AHDC1: variants seen among roughly 807,000 people sequenced by gnomAD.
AHDC1 encodes the protein transcription factor Gibbin.
Under a neutral mutation model 87.9 loss-of-function variants are expected in AHDC1, and 7 were observed. The observed-to-expected ratio is 0.08, with a 90% CI of 0.05 to 0.15. The LOEUF (loss-of-function observed/expected upper bound fraction) is 0.15, where lower values mean the gene tolerates loss of function less well. Ranked by LOEUF, AHDC1 falls within the 10% of genes least tolerant of loss-of-function variation. The probability of loss-of-function intolerance (pLI) is 1.00; values close to 1 mark genes in which losing one functional copy is unlikely to be tolerated. For missense variants in AHDC1, 1,841 were observed against 2,253.2 expected (o/e 0.82, Z 3.70); for synonymous variants, 1,051 against 1,006.8 (o/e 1.04, Z -0.83).
intron 3 of AHDC1, among the ~76,000 whole-genome samples, chr1:27,583,111 G>A (rs1442823445): frequency 2.0e-5 from 3 of 152,006 alleles, no homozygotes; most frequent in East Asian, 1.9e-4. Flanking sequence ...CAGGTAATCC[G>A]CCCACCTCAA....
At chr1:27,556,181 C>T (rs533106808) in intron 5 of AHDC1, among the ~76,000 whole-genome samples, 3 of 151,468 alleles carry the variant, frequency 2.0e-5, no homozygotes, top group African/African-American at 7.3e-5. Flanking sequence ...CAGCCCCACC[C>T]TCCCCGGCTG....
rs2019468669 is a variant in AHDC1 at position 27,550,354 on chromosome 1, G to A, written c.1762C>T (p.Arg588Trp). ...GATGCCAGCTTCTGCTTCCGCCGCC[G>A]TCGTTTTTTTACCTCTGGCATGGCC... is the stretch of plus-strand genomic sequence containing the variant. ...TMAMPEVKKRRRRKQKLASPQ... is the reference protein window; with the variant it reads ...TMAMPEVKKRWRRKQKLASPQ... The change falls in exon 8 of 9, where the codon CGG becomes TGG. Residue 588 changes from arginine (R) to tryptophan (W), a missense_variant. Coordinates refer to ENST00000673934, the MANE Select transcript of AHDC1 (RefSeq NM_001371928.1). 11 of 1,614,000 alleles carry A rather than the reference G, an allele frequency of 6.8e-6. No homozygotes were observed. The highest frequency in any genetic ancestry group is 9.3e-6 in the Non-Finnish European group (11 of 1,179,974).
At chr1:27,588,148 G>A (rs1229714891) in intron 3 of AHDC1, among the ~76,000 whole-genome samples, 5 of 152,156 alleles carry the variant, frequency 3.3e-5, no homozygotes, top group African/African-American at 1.2e-4. Flanking sequence ...ACGTCCCTCC[G>A]TTTTCTCAGC....
rs191675049 is a variant in AHDC1, at chr1:27,579,238, G to A, written c.-628-20355C>T. 6.6e-5 allele frequency among the ~76,000 whole-genome samples: 10 copies of A among 152,148 alleles called. No homozygotes were observed. In the East Asian group the frequency reaches 9.7e-4, roughly 15 times the overall value. ...TTTTGTAGAGACAGGGCCTCACTACGTTGCCCAGGCTGGTGTTCTAGGTCT... is the reference window on the plus strand; with the variant it reads ...TTTTGTAGAGACAGGGCCTCACTACATTGCCCAGGCTGGTGTTCTAGGTCT... On this transcript the variant is annotated intron_variant, in intron 3 of 8. Coordinates refer to ENST00000673934, the MANE Select transcript of AHDC1 (RefSeq NM_001371928.1).
chr1:27,566,143 A>G (rs1297238670), intron 3 of AHDC1, among the ~76,000 whole-genome samples: 2 of 152,188 alleles, frequency 1.3e-5, no homozygotes, highest in African/African-American at 2.4e-5. Flanking sequence ...TGAAAGAAAG[A>G]TATGTATTTA....
intron 8 of AHDC1, among the ~76,000 whole-genome samples, chr1:27,540,543 C>G (rs749030864): frequency 6.6e-6 from 1 of 151,876 alleles, no homozygotes; most frequent in Non-Finnish European, 1.5e-5. Context: ...AGGGCTGTCA[C>G]GGATGCAGAG....
In AHDC1 at chr1:27,550,084, G is replaced by A. The variant is rs1557663705; in HGVS notation, c.2032C>T (p.Arg678Trp). 3.1e-6 allele frequency: 5 copies of A among 1,608,414 alleles called. No individual in the cohort carries two copies. The highest frequency in any genetic ancestry group is 1.7e-6 in the Non-Finnish European group (2 of 1,177,662). Reference sequence around the variant, plus strand: ...GACTTGGCCGCATGGCCCCCACCCCGGCCACCAAAACCGCCTGCTTTGCCC... The same window carrying A: ...GACTTGGCCGCATGGCCCCCACCCCAGCCACCAAAACCGCCTGCTTTGCCC... Reference protein sequence around the residue: ...RGGKAGGFGGRGGGHAAKSAR... With the variant: ...RGGKAGGFGGWGGGHAAKSAR... Residue 678 changes from arginine (R) to tryptophan (W), a missense_variant, in exon 8 of 9, where the codon CGG becomes TGG. Coordinates refer to ENST00000673934, the MANE Select transcript of AHDC1 (RefSeq NM_001371928.1).
intron 3 of AHDC1, among the ~76,000 whole-genome samples, chr1:27,578,020 G>C (rs1310614192): frequency 6.6e-6 from 1 of 152,146 alleles, no homozygotes; most frequent in Non-Finnish European, 1.5e-5. Context: ...AACCTCTGGC[G>C]AGTACAACCC....
At chr1:27,599,763 G>A (rs1204547837) in intron 3 of AHDC1, among the ~76,000 whole-genome samples, 3 of 152,060 alleles carry the variant, frequency 2.0e-5, no homozygotes, top group Middle Eastern at 3.2e-3. Context: ...CGCCCCCCCG[G>A]GTCCCAAGAA....
intron 8 of AHDC1, among the ~76,000 whole-genome samples, chr1:27,536,815 G>A (rs2018657887): frequency 6.6e-6 from 1 of 152,028 alleles, no homozygotes; most frequent in Admixed American, 6.5e-5. Context: ...CCCTCCAAGG[G>A]CCCCGGGGCA....
Position 27,549,809 on chromosome 1 carries a change from G to A in AHDC1, c.2307C>T (p.Ala769=), listed in dbSNP as rs146409784. 141 of 1,613,476 alleles carry A rather than the reference G, an allele frequency of 8.7e-5. No homozygotes were observed. Among genetic ancestry groups the A allele is most frequent in the Admixed American group, 6.8e-4 (41 of 60,018 alleles). ...GGGCCCAGCCACCACCCTTATCCCC[G>A]GCCCACTCAGCACCTGCCTCCCCAA... ...PGFGEAGAEW[A]GDKGGGWAPH... The change falls in exon 8 of 9, where the codon GCC becomes GCT. Residue 769 remains alanine, a synonymous_variant. Transcript: ENST00000673934.
Position 27,558,845 on chromosome 1 carries a change from G to A in AHDC1, c.-590C>T. 2.5e-6 allele frequency: 1 copy of A among 398,694 alleles called. No homozygotes were observed. The highest frequency in any genetic ancestry group is 1.3e-4 in the South Asian group (1 of 7,850). 24.7% of individuals were successfully genotyped at this position (398,694 alleles called of 1,614,324 possible). On this transcript the variant is annotated 5_prime_UTR_variant, in exon 4 of 9. Coordinates refer to ENST00000673934, the MANE Select transcript of AHDC1 (RefSeq NM_001371928.1). The surrounding 1 kb of genome is among the most constrained non-coding windows in gnomAD (Gnocchi z 5.6). Reference sequence around the variant, plus strand: ...ACACGCTCAACTGGGTGGGCTCTGGGGTCCAGGCCGATGGGTTGACAATCA... The same window carrying A: ...ACACGCTCAACTGGGTGGGCTCTGGAGTCCAGGCCGATGGGTTGACAATCA...
intron 3 of AHDC1, among the ~76,000 whole-genome samples, chr1:27,570,378 G>A (rs1042139222): frequency 1.2e-4 from 18 of 152,002 alleles, no homozygotes; most frequent in South Asian, 4.2e-4. Context: ...AGGACAGGAG[G>A]GCTTTTAGAG....
Position 27,551,929 on chromosome 1 carries a change from G to T in AHDC1, c.187C>A (p.Pro63Thr). The T allele has an allele frequency of 3.2e-6, 5 of 1,572,436 alleles. No homozygotes were observed. Among genetic ancestry groups the T allele is most frequent in the Non-Finnish European group, 4.3e-6 (5 of 1,158,288 alleles). The change falls in exon 8 of 9, where the codon CCA becomes ACA. Residue 63 changes from proline (P) to threonine (T), a missense_variant. Around this residue, in one of 13 missense-constraint regions of AHDC1, gnomAD observed 142 missense variants for 165.6 expected, o/e 0.86. Coordinates refer to ENST00000673934, the MANE Select transcript of AHDC1 (RefSeq NM_001371928.1). ...GTGCTGGGGTCCCGGCGTGGGGGTG[G>T]GCGTGGGTTCTCGGAGAAGGCGTGG... ...STHAFSENPRPPPRRDPSTRR... is the reference protein window; with the variant it reads ...STHAFSENPRTPPRRDPSTRR...
rs1428134844 is a variant in AHDC1 at position 27,550,564 on chromosome 1, T to G, written c.1552A>C (p.Thr518Pro). ...ELGLRVSAEP[T>P]PLLKMKNNGR... is the part of the protein sequence containing the mutation. ...TTGTTCTTCATCTTCAGCAGCGGGGTGGGCTCAGCCGACACGCGCAGGCCC... is the reference window on the plus strand; with the variant it reads ...TTGTTCTTCATCTTCAGCAGCGGGGGGGGCTCAGCCGACACGCGCAGGCCC... Residue 518 changes from threonine (T) to proline (P), a missense_variant, in exon 8 of 9, where the codon ACC becomes CCC. By Grantham distance (38) the Thr-to-Pro change is conservative. Around this residue, in one of 13 missense-constraint regions of AHDC1, gnomAD observed 18 missense variants for 18.0 expected, o/e 1.00. Coordinates refer to ENST00000673934, the MANE Select transcript of AHDC1 (RefSeq NM_001371928.1). The G allele has an allele frequency of 6.2e-7, 1 of 1,613,120 alleles. No homozygotes were observed. Among genetic ancestry groups the G allele is most frequent in the Non-Finnish European group, 8.5e-7 (1 of 1,179,590 alleles).
chr1:27,550,364 T>C lies in AHDC1; in HGVS notation c.1752A>G (p.Val584=). The change falls in exon 8 of 9, where the codon GTA becomes GTG. Residue 584 remains valine (V), a synonymous_variant. Coordinates refer to ENST00000673934, the MANE Select transcript of AHDC1 (RefSeq NM_001371928.1). The part of the protein sequence containing the change: ...VAAATMAMPE[V]KKRRRRKQKL... Reference sequence around the variant, plus strand: ...TCTGCTTCCGCCGCCGTCGTTTTTTTACCTCTGGCATGGCCATGGTGGCCG... The same window carrying C: ...TCTGCTTCCGCCGCCGTCGTTTTTTCACCTCTGGCATGGCCATGGTGGCCG... The C allele has an allele frequency of 1.2e-6, 2 of 1,614,020 alleles. No homozygotes were observed. Among genetic ancestry groups the C allele is most frequent in the East Asian group, 2.2e-5 (1 of 44,880 alleles).
intron 3 of AHDC1, among the ~76,000 whole-genome samples, chr1:27,581,561 A>G (rs553360374): frequency 1.3e-5 from 2 of 151,568 alleles, no homozygotes; most frequent in Non-Finnish European, 2.9e-5. Context: ...CCCAGGCCCT[A>G]CTCCTTCCTC....
chr1:27,559,621 G>C (rs901338516), intron 3 of AHDC1, among the ~76,000 whole-genome samples: 2 of 152,218 alleles, frequency 1.3e-5, no homozygotes, highest in African/African-American at 4.8e-5. Flanking sequence ...ATGCAAACAG[G>C]TTACTGACAA....
rs1371791595 is a variant in AHDC1, at chr1:27,548,476, C to T, written c.3640G>A (p.Ala1214Thr). 1.9e-6 allele frequency: 3 copies of T among 1,613,900 alleles called. No homozygotes were observed. The highest frequency in any genetic ancestry group is 1.1e-5 in the South Asian group (1 of 91,084). ...LMMDWNEASSAPGYNWNQSVL... is the reference protein window; with the variant it reads ...LMMDWNEASSTPGYNWNQSVL... ...CTCTGGTTCCAGTTGTAGCCGGGGGCAGATGATGCCTCGTTCCAGTCCATC... is the reference window on the plus strand; with the variant it reads ...CTCTGGTTCCAGTTGTAGCCGGGGGTAGATGATGCCTCGTTCCAGTCCATC... The change falls in exon 8 of 9, where the codon GCC becomes ACC. Residue 1214 changes from alanine (A) to threonine (T), a missense_variant. Coordinates refer to ENST00000673934, the MANE Select transcript of AHDC1 (RefSeq NM_001371928.1).
Sources: allele counts gnomAD v4.1 joint callset (sites outside exome capture counted in the v4.1 genomes callset), GRCh38; gene constraint gnomAD v4.1.1; regional missense constraint gnomAD v4.1.1; non-coding constraint Gnocchi (gnomAD v3.1); transcripts MANE v1.5; gene names NCBI Gene and HGNC (gene_info 2026-07-23, HGNC 2026-07-21).